Variants in KCNC2 observed in about 807,000 individuals in gnomAD.
KCNC2 encodes the protein potassium voltage-gated channel subfamily C member 2.
Under a neutral mutation model 44.5 loss-of-function variants are expected in KCNC2, and 21 were observed. The observed-to-expected ratio is 0.47, with a 90% confidence interval of 0.33 to 0.68. The LOEUF (loss-of-function observed/expected upper bound fraction) is 0.68. KCNC2 is among the 30% of genes least tolerant of loss of function. The pLI is 0.01. For missense variants in KCNC2, 589 were observed against 826.2 expected (o/e 0.71, Z 3.52); for synonymous variants, 391 against 339.1 (o/e 1.15, Z -1.68).
At chr12:75,208,221 A>C (rs1428423356) in intron 1 of KCNC2, among the ~76,000 whole-genome samples, 7 of 152,034 alleles carry the variant, frequency 4.6e-5, no homozygotes, top group Non-Finnish European at 2.9e-5. Context: ...TAGCAGTCCT[A>C]GTCTTTCTTG....
Position 75,041,304 on chromosome 12 carries a change from T to C in KCNC2, c.*1801A>G. On this transcript the variant is annotated 3_prime_UTR_variant, in exon 5 of 5. Transcript: ENST00000549446. ...TCTATGTGTGGTGTTATCAAAAGAA[T>C]CACTGTGTCTCTAAATATCATATAT... The C allele has an allele frequency of 6.6e-7, 1 of 1,515,948 alleles. No homozygotes were observed. The allele number at this position is 1,515,948 out of a possible 1,614,324, so 93.9% of individuals were successfully genotyped here. A position where few individuals can be genotyped will look rare whatever the true frequency, so the allele number is the denominator to read the frequency against.
chr12:75,044,324 C>T (rs933729968), intron 4 of KCNC2, among the ~76,000 whole-genome samples: 1 of 151,756 alleles, frequency 6.6e-6, no homozygotes, highest in Non-Finnish European at 1.5e-5. Flanking sequence ...TTTTTGGCAA[C>T]CAAAATTGAG....
intron 4 of KCNC2, among the ~76,000 whole-genome samples, chr12:75,047,148 CAACA>C (rs1417658115): frequency 6.6e-6 from 1 of 151,806 alleles, no homozygotes; most frequent in African/African-American, 2.4e-5. Context: ...CCTATTCTGT[CAACA>C]AACAGAGGAA....
chr12:75,186,272 C>T (rs1892941584), intron 2 of KCNC2, among the ~76,000 whole-genome samples: 1 of 151,974 alleles, frequency 6.6e-6, no homozygotes, highest in South Asian at 2.1e-4. Flanking sequence ...GCTCTCCCTT[C>T]CATGCATCTT....
chr12:75,143,720 C>A (rs572697066), intron 2 of KCNC2, among the ~76,000 whole-genome samples: 2 of 152,142 alleles, frequency 1.3e-5, no homozygotes, highest in Admixed American at 6.5e-5. Flanking sequence ...TTCTCCCTTT[C>A]TAGAACTGTA....
intron 2 of KCNC2, among the ~76,000 whole-genome samples, chr12:75,160,986 C>A (rs905017400): frequency 2.6e-5 from 4 of 151,608 alleles, no homozygotes; most frequent in African/African-American, 9.7e-5. Flanking sequence ...AGAGAAACTA[C>A]AATAAAAATA....
At chr12:75,161,599 A>G (rs1891129485) in intron 2 of KCNC2, among the ~76,000 whole-genome samples, 1 of 151,770 alleles carries the variant, frequency 6.6e-6, no homozygotes, top group South Asian at 2.1e-4. Flanking sequence ...ATTTTAAGAA[A>G]AGAATTACTC....
intron 2 of KCNC2, among the ~76,000 whole-genome samples, chr12:75,145,750 T>A (rs1889977687): frequency 6.6e-6 from 1 of 152,114 alleles, no homozygotes. Flanking sequence ...TACTAAGATT[T>A]TTTGGGTAGG....
chr12:75,200,434 T>G (rs1380546005), intron 2 of KCNC2, among the ~76,000 whole-genome samples: 1 of 151,748 alleles, frequency 6.6e-6, no homozygotes, highest in Non-Finnish European at 1.5e-5. Flanking sequence ...ACTAATATAA[T>G]ATATATTTTG....
chr12:75,098,933 G>T (rs1886153746), intron 2 of KCNC2, among the ~76,000 whole-genome samples: 2 of 152,184 alleles, frequency 1.3e-5, no homozygotes, highest in South Asian at 4.2e-4. Flanking sequence ...TGCCCTCAGA[G>T]AACTTGGAAG....
At chr12:75,133,460 A>G (rs775723840) in intron 2 of KCNC2, among the ~76,000 whole-genome samples, 1 of 151,828 alleles carries the variant, frequency 6.6e-6, no homozygotes, top group Non-Finnish European at 1.5e-5. Flanking sequence ...GAAAAAAAAA[A>G]CAATTAGCTA....
At chr12:75,050,152 G>T (rs994088836) in intron 3 of KCNC2, among the ~76,000 whole-genome samples, 1 of 151,790 alleles carries the variant, frequency 6.6e-6, no homozygotes, top group Non-Finnish European at 1.5e-5. Flanking sequence ...TCAGCAAAGG[G>T]CATTCCCACT....
At chr12:75,091,106 G>T (rs929830898) in intron 2 of KCNC2, among the ~76,000 whole-genome samples, 1 of 151,594 alleles carries the variant, frequency 6.6e-6, no homozygotes, top group Non-Finnish European at 1.5e-5. Context: ...TTCTCCTGAT[G>T]CAAAGATCAC....
In KCNC2 at chr12:75,113,713, A is replaced by G. The variant is rs186804153; in HGVS notation, c.688-62396T>C. The stretch of plus-strand genomic sequence containing the variant: ...TTAAATCTCAGAAGTCCATCTTTGC[A>G]AGCTCACAATATAGGTAGAGAAACA... On this transcript the variant is annotated intron_variant, in intron 2 of 4. Coordinates refer to ENST00000549446, the MANE Select transcript of KCNC2 (RefSeq NM_139137.4). Among the ~76,000 whole-genome samples the G allele has an allele frequency of 2.8e-3, 431 of 152,304 alleles. 1 individual carries two copies. Among genetic ancestry groups the G allele is most frequent in the Non-Finnish European group, 2.9e-3 (196 of 68,016 alleles).
At chr12:75,065,288 T>C (rs1882722132) in intron 2 of KCNC2, among the ~76,000 whole-genome samples, 3 of 152,060 alleles carry the variant, frequency 2.0e-5, no homozygotes, top group Admixed American at 1.3e-4. Context: ...CAATTATTCA[T>C]TCAGTTTCTT....
chr12:75,144,158 A>T (rs533977093), intron 2 of KCNC2, among the ~76,000 whole-genome samples: 1 of 152,358 alleles, frequency 6.6e-6, no homozygotes, highest in African/African-American at 2.4e-5. Context: ...TGCCTGATGA[A>T]TATTAACCAT....
At chr12:75,050,271 A>C (rs1189450779) in intron 3 of KCNC2, 119 bp downstream of exon 3, 2 of 751,588 alleles carry the variant, frequency 2.7e-6, no homozygotes, top group East Asian at 2.5e-5. Context: ...ACATTTCGTG[A>C]AAGGGTTAGG....
At chr12:75,045,371 T>C (rs996634817) in intron 4 of KCNC2, among the ~76,000 whole-genome samples, 1 of 151,982 alleles carries the variant, frequency 6.6e-6, no homozygotes, top group Non-Finnish European at 1.5e-5. Flanking sequence ...TTCTATTCTG[T>C]TTATGGGTCC....
chr12:75,206,843 G>A (rs2031725697), intron 2 of KCNC2, among the ~76,000 whole-genome samples: 1 of 152,012 alleles, frequency 6.6e-6, no homozygotes, highest in African/African-American at 2.4e-5. Flanking sequence ...ACCCCCAATT[G>A]GAGCCACGGC....
Sources: gnomAD v4.1 joint callset for allele counts (sites outside exome capture counted in the v4.1 genomes callset) on GRCh38, gnomAD v4.1.1 for gene constraint, MANE v1.5 for transcripts, NCBI Gene and HGNC (gene_info 2026-07-23, HGNC 2026-07-21) for gene names.